The following NELL1 variants were observed in gnomAD, a reference collection of about 807,000 sequenced individuals.
NELL1 encodes neural EGFL like 1.
In NELL1, 76 loss-of-function variants were observed where a neutral mutation model predicts 107.4. That is an observed-to-expected ratio of 0.71 (90% CI 0.59 to 0.86). The LOEUF is 0.86. Among genes scored for constraint, NELL1 ranks in the 40% least tolerant of loss-of-function variants. The pLI, the probability that NELL1 is intolerant of heterozygous loss-of-function variation, is 0.00. For synonymous variants in NELL1, 353 were observed against 341.2 expected (o/e 1.03, Z -0.38); for missense variants, 1,024 against 1,005.5 (o/e 1.02, Z -0.25).
intron 4 of NELL1, among the ~76,000 whole-genome samples, chr11:20,876,151 G>A (rs1849300638): frequency 6.6e-6 from 1 of 152,176 alleles, no homozygotes; most frequent in African/African-American, 2.4e-5. Context: ...AACCTGCTGA[G>A]CCTTGTTATA....
chr11:21,567,279 G>A (rs534237646), intron 17 of NELL1, among the ~76,000 whole-genome samples: 105 of 151,882 alleles, frequency 6.9e-4, no homozygotes, highest in Non-Finnish European at 1.3e-3. Flanking sequence ...TGGGGCCATG[G>A]TGACACAAGC....
At chr11:21,279,872 T>C (rs1473461118) in intron 14 of NELL1, among the ~76,000 whole-genome samples, 1 of 152,210 alleles carries the variant, frequency 6.6e-6, no homozygotes. Context: ...CAATGGAATA[T>C]TGTTCTATGC....
chr11:21,124,411 T>C lies in NELL1; in HGVS notation c.1426+10697T>C, dbSNP rs191939736. Among the ~76,000 whole-genome samples the C allele has an allele frequency of 5.3e-5, 8 of 152,326 alleles. No individual in the cohort carries two copies. In the East Asian group the frequency reaches 7.7e-4, roughly 15 times the overall value. ...GCTTCATGTTCCTGGAGAATCTGCA[T>C]GGCCAATATGGCAACTGAAGGCCAC... is the stretch of plus-strand genomic sequence containing the variant. On this transcript the variant is annotated intron_variant, in intron 13 of 19. Transcript: ENST00000357134.
At chr11:21,200,470 C>T (rs927300288) in intron 13 of NELL1, among the ~76,000 whole-genome samples, 10 of 151,680 alleles carry the variant, frequency 6.6e-5, no homozygotes, top group African/African-American at 2.4e-4. Flanking sequence ...TCATATCCTT[C>T]GCTCACTTTT....
intron 2 of NELL1, among the ~76,000 whole-genome samples, chr11:20,751,368 A>G (rs1225411533): frequency 6.6e-6 from 1 of 152,174 alleles, no homozygotes; most frequent in Non-Finnish European, 1.5e-5. Context: ...GTTTTCCATG[A>G]CTCAATCCAT....
intron 2 of NELL1, among the ~76,000 whole-genome samples, chr11:20,723,734 G>T (rs562402253): frequency 3.4e-5 from 5 of 148,542 alleles, no homozygotes; most frequent in Admixed American, 6.6e-5. Flanking sequence ...GGACTCTGTG[G>T]GGGGGGGCTC....
intron 5 of NELL1, among the ~76,000 whole-genome samples, chr11:20,898,306 A>C (rs1447037467): frequency 6.6e-6 from 1 of 152,128 alleles, no homozygotes; most frequent in Non-Finnish European, 1.5e-5. Flanking sequence ...CATTCTCAGT[A>C]AACTATTGCG....
intron 14 of NELL1, among the ~76,000 whole-genome samples, chr11:21,275,634 C>T (rs1302819377): frequency 3.3e-5 from 5 of 152,154 alleles, no homozygotes; most frequent in Admixed American, 2.6e-4. Flanking sequence ...TGATGAACAT[C>T]AATGCAAAAA....
chr11:21,492,047 AG>A (rs113085552), intron 15 of NELL1, among the ~76,000 whole-genome samples: 2 of 152,158 alleles, frequency 1.3e-5, no homozygotes, highest in Non-Finnish European at 2.9e-5. Flanking sequence ...CTAATTTACA[AG>A]GAAAAAACAA....
chr11:21,465,117 A>C (rs868076667), intron 15 of NELL1, among the ~76,000 whole-genome samples: 2 of 152,066 alleles, frequency 1.3e-5, no homozygotes, highest in African/African-American at 4.8e-5. Flanking sequence ...GGGAGGATGT[A>C]ATCTGATGGT....
intron 4 of NELL1, among the ~76,000 whole-genome samples, chr11:20,861,661 T>C (rs12286775): frequency 0.22 from 33,902 of 152,168 alleles, 5,403 homozygotes; most frequent in African/African-American, 0.44. Context: ...TCAGGTGCTC[T>C]GAGCAGGGTC....
chr11:21,455,312 C>CTTTTTTTTTT (rs1564902597), intron 15 of NELL1, among the ~76,000 whole-genome samples: 7 of 93,388 alleles, frequency 7.5e-5, no homozygotes, highest in Non-Finnish European at 1.1e-4. Context: ...TTTTTTTTTT[C>CTTTTTTTTTT]TTTTATTCTT....
intron 15 of NELL1, among the ~76,000 whole-genome samples, chr11:21,443,458 A>G (rs1853342435): frequency 1.3e-5 from 2 of 152,134 alleles, no homozygotes; most frequent in South Asian, 2.1e-4. Flanking sequence ...ATATTATTGA[A>G]TGAGTGCAGG....
At chr11:20,971,665 T>TG (rs975582767) in intron 12 of NELL1, among the ~76,000 whole-genome samples, 2 of 152,200 alleles carry the variant, frequency 1.3e-5, no homozygotes, top group Admixed American at 1.3e-4. Context: ...GATTTAGATT[T>TG]GGGGTACCTG....
At chr11:20,812,941 G>A (rs1410727525) in intron 3 of NELL1, among the ~76,000 whole-genome samples, 6 of 132,626 alleles carry the variant, frequency 4.5e-5, no homozygotes, top group Non-Finnish European at 6.2e-5. Context: ...CCCAGGGGGC[G>A]GAGCCTGCAG....
chr11:21,485,506 A>G (rs1216379550), intron 15 of NELL1, among the ~76,000 whole-genome samples: 1 of 151,938 alleles, frequency 6.6e-6, no homozygotes, highest in African/African-American at 2.4e-5. Flanking sequence ...CCACTGCCAG[A>G]CCAGGAAGGG....
Position 21,529,397 on chromosome 11 carries a change from A to G in NELL1, c.1646-4977A>G, listed in dbSNP as rs535910530. 2.0e-5 allele frequency among the ~76,000 whole-genome samples: 3 copies of G among 152,340 alleles called. No homozygotes were observed. The South Asian group carries it at 6.2e-4, about 32-fold the overall frequency. On this transcript the variant is annotated intron_variant, in intron 15 of 19. Transcript: ENST00000357134. ...TAAGAACCCAAGAGAAACAAGAGAT[A>G]GAAGAACTAGCCTGTTTCTGCCTCA... is the stretch of plus-strand genomic sequence containing the variant.
At chr11:21,049,704 G>T (rs1257362095) in intron 12 of NELL1, among the ~76,000 whole-genome samples, 2 of 150,962 alleles carry the variant, frequency 1.3e-5, no homozygotes, top group Non-Finnish European at 2.9e-5. Context: ...TTGAGATGAA[G>T]TCTCTCTCTG....
intron 2 of NELL1, among the ~76,000 whole-genome samples, chr11:20,765,546 C>G (rs776510523): frequency 6.6e-6 from 1 of 152,168 alleles, no homozygotes; most frequent in African/African-American, 2.4e-5. Context: ...GACGTTTCAG[C>G]TGAAGCCTGA....
Sources: allele counts gnomAD v4.1 joint callset (sites outside exome capture counted in the v4.1 genomes callset), GRCh38; gene constraint gnomAD v4.1.1; transcripts MANE v1.5; gene names NCBI Gene and HGNC (gene_info 2026-07-23, HGNC 2026-07-21).